The following KIAA1671 variants were observed in gnomAD, a reference collection of about 807,000 sequenced individuals.
The protein encoded by KIAA1671 is KIAA1671, also known as uncharacterized protein KIAA1671.
In KIAA1671, 52 loss-of-function variants were observed where a neutral mutation model predicts 131.2. The observed-to-expected ratio is 0.40, with a 90% CI of 0.32 to 0.50. The LOEUF (loss-of-function observed/expected upper bound fraction) is 0.50, where lower values mean the gene tolerates loss of function less well. Among genes scored for constraint, KIAA1671 ranks in the 20% least tolerant of loss-of-function variants. The pLI, the probability that KIAA1671 is intolerant of heterozygous loss-of-function variation, is 0.73. For missense variants in KIAA1671, 2,360 were observed against 2,364.2 expected, an observed-to-expected ratio of 1.00 and a Z score of 0.04; for synonymous variants, 1,003 against 961.6, an observed-to-expected ratio of 1.04 and a Z score of -0.80.
chr22:25,153,637 G>A (rs9620489), intron 6 of KIAA1671, among the ~76,000 whole-genome samples: 12,408 of 152,220 alleles, frequency 0.082, 1,649 homozygotes, highest in African/African-American at 0.28. Flanking sequence ...CCCTTTGGGG[G>A]CTGGCATAGT....
chr22:25,078,471 G>A (rs927212981), intron 6 of KIAA1671, among the ~76,000 whole-genome samples: 16 of 152,170 alleles, frequency 1.1e-4, no homozygotes, highest in African/African-American at 3.9e-4. Flanking sequence ...CGAGGCTGCA[G>A]TAAGCTAGGA....
chr22:24,972,538 A>G (rs773727304), intron 1 of KIAA1671, among the ~76,000 whole-genome samples: 3 of 152,102 alleles, frequency 2.0e-5, no homozygotes, highest in Non-Finnish European at 4.4e-5. Context: ...GTATTCATCT[A>G]TCATTTCATT....
At chr22:25,174,629 C>T in intron 8 of KIAA1671, 140 bp downstream of exon 8, 2 of 947,268 alleles carry the variant, frequency 2.1e-6, no homozygotes, top group East Asian at 2.7e-5. Flanking sequence ...ATGGGACTCA[C>T]TTATGCATGT....
intron 1 of KIAA1671, among the ~76,000 whole-genome samples, chr22:24,980,902 A>G (rs1206283510): frequency 1.3e-5 from 2 of 151,960 alleles, no homozygotes; most frequent in African/African-American, 2.4e-5. Context: ...ATGCGCCATC[A>G]TGCCTGGATG....
chr22:25,001,679 T>A (rs949383254), intron 1 of KIAA1671, among the ~76,000 whole-genome samples: 1 of 152,076 alleles, frequency 6.6e-6, no homozygotes, highest in African/African-American at 2.4e-5. Context: ...TTTAGGGCAC[T>A]TTCTATTTTA....
At position 25,039,662 on chromosome 22, in the gene KIAA1671, CG is replaced by C; in HGVS notation, c.2536del (p.Ala846ProfsTer70). 6.5e-7 allele frequency: 1 copy of C among 1,535,296 alleles called. No individual in the cohort carries two copies. The highest frequency in any genetic ancestry group is 8.8e-7 in the Non-Finnish European group (1 of 1,135,780). On this transcript the variant is annotated frameshift_variant, in exon 5 of 13. Coordinates refer to ENST00000358431, the MANE Select transcript of KIAA1671 (RefSeq NM_001145206.2). LOFTEE classifies it high-confidence loss of function. ...VAVSEEHCAPGATSVRAIKAA... is the reference protein window; with the variant it reads ...VAVSEEHCAPXATSVRAIKAA... Reference sequence around the variant, plus strand: ...CAGTCAGCGAAGAGCACTGTGCTCCCGGGGCCACCTCCGTCAGGGCTATCAA... The same window carrying C: ...CAGTCAGCGAAGAGCACTGTGCTCCCGGGCCACCTCCGTCAGGGCTATCAA...
intron 1 of KIAA1671, among the ~76,000 whole-genome samples, chr22:24,963,086 A>C (rs1437199686): frequency 6.6e-6 from 1 of 152,060 alleles, no homozygotes; most frequent in Non-Finnish European, 1.5e-5. Context: ...TCTCTCCTTC[A>C]GTTGGGCATC....
chr22:25,006,181 G>A (rs998212504), intron 1 of KIAA1671, among the ~76,000 whole-genome samples: 2 of 151,972 alleles, frequency 1.3e-5, no homozygotes, highest in African/African-American at 2.4e-5. Flanking sequence ...ACATGCGCCC[G>A]CCACCATGCC....
chr22:24,983,121 AAAG>A (rs1923318319), intron 1 of KIAA1671, among the ~76,000 whole-genome samples: 1 of 152,120 alleles, frequency 6.6e-6, no homozygotes. Flanking sequence ...CAGGAGGGAG[AAAG>A]AAGACCAGGA....
chr22:25,005,322 TG>T (rs1445297838), intron 1 of KIAA1671, among the ~76,000 whole-genome samples: 4 of 138,432 alleles, frequency 2.9e-5, no homozygotes, highest in African/African-American at 1.1e-4. Flanking sequence ...CACTCCAGCC[TG>T]GGTGACAGAG....
At chr22:25,117,174 A>T (rs1326853997) in intron 6 of KIAA1671, among the ~76,000 whole-genome samples, 4 of 152,142 alleles carry the variant, frequency 2.6e-5, no homozygotes, top group Non-Finnish European at 5.9e-5. Context: ...ACACTGTCGT[A>T]TATAATGTGG....
At chr22:25,038,648 G>C in intron 4 of KIAA1671, 112 bp from the exon 5 acceptor site, 8 of 1,120,532 alleles carry the variant, frequency 7.1e-6, no homozygotes, top group Non-Finnish European at 1.0e-5. Context: ...CAATTTTATG[G>C]TATTTCATTG....
chr22:25,118,571 G>A (rs1176634273), intron 6 of KIAA1671, among the ~76,000 whole-genome samples: 4 of 152,094 alleles, frequency 2.6e-5, no homozygotes, highest in East Asian at 1.9e-4. Flanking sequence ...GATTACAGAC[G>A]TGAGACACTG....
intron 1 of KIAA1671, chr22:25,011,266 A>C (rs1256532506): frequency 2.6e-4 from 39 of 151,744 alleles, no homozygotes; most frequent in Admixed American, 2.6e-3. Context: ...TTCTGCCTCA[A>C]CCTCCCAAGT....
intron 6 of KIAA1671, among the ~76,000 whole-genome samples, chr22:25,123,874 G>C (rs549738460): frequency 1.1e-4 from 16 of 152,358 alleles, no homozygotes; most frequent in Admixed American, 6.5e-4. Context: ...TACGCAGCCA[G>C]AGATAACTAG....
At chr22:25,131,177 C>G (rs956358584) in intron 6 of KIAA1671, among the ~76,000 whole-genome samples, 2 of 152,116 alleles carry the variant, frequency 1.3e-5, no homozygotes, top group Non-Finnish European at 2.9e-5. Flanking sequence ...GATTTCCATG[C>G]AGTGATGAGG....
At chr22:24,995,173 C>T (rs905445808) in intron 1 of KIAA1671, among the ~76,000 whole-genome samples, 1 of 151,554 alleles carries the variant, frequency 6.6e-6, no homozygotes, top group Admixed American at 6.6e-5. Flanking sequence ...GCCTCAGCCT[C>T]CTGAGTAGCT....
chr22:25,035,007 G>A (rs911979708), intron 4 of KIAA1671, among the ~76,000 whole-genome samples: 2 of 150,750 alleles, frequency 1.3e-5, no homozygotes, highest in Admixed American at 6.6e-5. Context: ...AAAGTGCTGG[G>A]ACTACAGGCA....
At chr22:25,097,611 G>A (rs753773393) in intron 6 of KIAA1671, among the ~76,000 whole-genome samples, 9 of 151,998 alleles carry the variant, frequency 5.9e-5, no homozygotes, top group Admixed American at 1.3e-4. Flanking sequence ...GTGATGGCGG[G>A]TGCCTGTAGT....
Sources: gnomAD v4.1 joint callset for allele counts (sites outside exome capture counted in the v4.1 genomes callset) on GRCh38, gnomAD v4.1.1 for gene constraint, MANE v1.5 for transcripts, NCBI Gene and HGNC (gene_info 2026-07-23, HGNC 2026-07-21) for gene names.